ABCA13: variants seen among roughly 807,000 people sequenced by gnomAD.
ABCA13 encodes ATP-binding cassette sub-family A member 13.
Under a neutral mutation model 478.7 loss-of-function variants are expected in ABCA13, and 476 were observed. The ratio of observed to expected loss-of-function variants is 0.99; its 90% CI spans 0.92 to 1.07. The LOEUF is 1.07. ABCA13 is among the 50% of genes least tolerant of loss of function. The pLI, the probability that ABCA13 is intolerant of heterozygous loss-of-function variation, is 0.00. For synonymous variants in ABCA13, 2,252 were observed against 2,158.9 expected (o/e 1.04, Z -1.20); for missense variants, 6,060 against 5,910.6 (o/e 1.03, Z -0.83).
chr7:48,326,088 A>T (rs1045044496), intron 27 of ABCA13, among the ~76,000 whole-genome samples: 3 of 152,196 alleles, frequency 2.0e-5, no homozygotes, highest in African/African-American at 4.8e-5. Context: ...GCCTATGAGA[A>T]GGTGCCATGT....
chr7:48,309,073 G>C, intron 23 of ABCA13, among the ~76,000 whole-genome samples: 1 of 102,238 alleles, frequency 9.8e-6, no homozygotes, highest in East Asian at 3.0e-4. Context: ...ACATTCTCTT[G>C]GTTCTGTTTC....
intron 58 of ABCA13, among the ~76,000 whole-genome samples, chr7:48,614,515 C>G (rs1446633144): frequency 6.6e-6 from 1 of 150,940 alleles, no homozygotes; most frequent in African/African-American, 2.4e-5. Context: ...TACCATTTGA[C>G]CCAGCCATCC....
chr7:48,297,395 A>G (rs1799529622), intron 22 of ABCA13, 84 bp downstream of exon 22: 2 of 1,318,826 alleles, frequency 1.5e-6, no homozygotes, highest in South Asian at 1.3e-5. Flanking sequence ...TAAAACATAC[A>G]ACAGAAAATT....
intron 38 of ABCA13, among the ~76,000 whole-genome samples, chr7:48,397,023 C>T (rs1816927812): frequency 6.6e-6 from 1 of 152,186 alleles, no homozygotes; most frequent in African/African-American, 2.4e-5. Flanking sequence ...TTCATAGTGT[C>T]TGTTTTTGTG....
At chr7:48,554,546 G>T (rs1265879739) in intron 55 of ABCA13, among the ~76,000 whole-genome samples, 17 of 151,508 alleles carry the variant, frequency 1.1e-4, no homozygotes, top group Non-Finnish European at 2.4e-4. Context: ...TCACTTCTTT[G>T]GTTGGGTTAA....
chr7:48,415,583 G>C (rs56233541), intron 41 of ABCA13, among the ~76,000 whole-genome samples: 25,725 of 152,134 alleles, frequency 0.17, 2,483 homozygotes, highest in East Asian at 0.25. Context: ...AAACACATGC[G>C]ACAGGAAGAG....
At chr7:48,223,673 C>T (rs868058861) in intron 5 of ABCA13, among the ~76,000 whole-genome samples, 2 of 152,030 alleles carry the variant, frequency 1.3e-5, no homozygotes, top group African/African-American at 4.8e-5. Flanking sequence ...AGAGTGGGGG[C>T]ACTCCGGGCT....
intron 55 of ABCA13, among the ~76,000 whole-genome samples, chr7:48,549,698 T>C (rs908030737): frequency 1.3e-5 from 2 of 151,870 alleles, no homozygotes; most frequent in Admixed American, 6.6e-5. Flanking sequence ...AAAAGCGATT[T>C]TATTTCTCCA....
intron 48 of ABCA13, among the ~76,000 whole-genome samples, chr7:48,500,317 C>T (rs534847034): frequency 4.3e-4 from 66 of 152,216 alleles, no homozygotes; most frequent in African/African-American, 1.3e-3. Flanking sequence ...GAGCCCATGC[C>T]GTTGCAATTG....
chr7:48,603,014 G>T (rs1285119317), intron 58 of ABCA13, among the ~76,000 whole-genome samples: 1 of 152,048 alleles, frequency 6.6e-6, no homozygotes, highest in African/African-American at 2.4e-5. Flanking sequence ...GTTCATTCAT[G>T]ATTTGACTCT....
intron 27 of ABCA13, among the ~76,000 whole-genome samples, chr7:48,333,505 G>T (rs564461484): frequency 1.3e-5 from 2 of 152,054 alleles, no homozygotes; most frequent in Non-Finnish European, 2.9e-5. Flanking sequence ...TTTTTATAAT[G>T]GGTGGTTTTC....
intron 55 of ABCA13, among the ~76,000 whole-genome samples, chr7:48,550,978 T>G (rs13235315): frequency 0.033 from 5,010 of 151,896 alleles, 227 homozygotes; most frequent in South Asian, 0.086. Context: ...CAAGAATTAT[T>G]TTTTCTCTCT....
intron 58 of ABCA13, among the ~76,000 whole-genome samples, chr7:48,595,412 A>C (rs1345949817): frequency 3.3e-5 from 5 of 152,238 alleles, no homozygotes; most frequent in African/African-American, 4.8e-5. Flanking sequence ...TGTAATAAAG[A>C]CCAGGCTTTA....
chr7:48,487,730 A>G (rs1398323043), intron 47 of ABCA13, among the ~76,000 whole-genome samples: 4 of 152,104 alleles, frequency 2.6e-5, no homozygotes, highest in African/African-American at 9.7e-5. Context: ...CTTAACTTCA[A>G]CAGAATCCTG....
At chr7:48,412,627 T>G (rs769479849) in intron 41 of ABCA13, 44 bp downstream of exon 41, 30 of 1,494,524 alleles carry the variant, frequency 2.0e-5, no homozygotes, top group Admixed American at 1.2e-4. Flanking sequence ...TATGCCTTTT[T>G]GACCAGTCCA....
chr7:48,333,593 G>T (rs1239241874), intron 27 of ABCA13, among the ~76,000 whole-genome samples: 2 of 152,164 alleles, frequency 1.3e-5, no homozygotes, highest in Admixed American at 6.5e-5. Context: ...TTTGTGGGTA[G>T]TCATTCTACT....
At chr7:48,525,591 T>C (rs943397077) in intron 54 of ABCA13, among the ~76,000 whole-genome samples, 4 of 151,336 alleles carry the variant, frequency 2.6e-5, no homozygotes, top group African/African-American at 9.7e-5. Context: ...AGAAATATGG[T>C]TGGACAAAAA....
intron 32 of ABCA13, among the ~76,000 whole-genome samples, chr7:48,371,412 A>T (rs1170169472): frequency 6.6e-6 from 1 of 152,148 alleles, no homozygotes; most frequent in Non-Finnish European, 1.5e-5. Flanking sequence ...CCTATCCATG[A>T]CCATGGAATG....
At chr7:48,537,633 G>A (rs529012946) in intron 55 of ABCA13, among the ~76,000 whole-genome samples, 23 of 152,318 alleles carry the variant, frequency 1.5e-4, no homozygotes, top group African/African-American at 5.3e-4. Flanking sequence ...AGGGTTACGA[G>A]CCAGAGTGGT....
Sources: gnomAD v4.1 joint callset for allele counts (sites outside exome capture counted in the v4.1 genomes callset) on GRCh38, gnomAD v4.1.1 for gene constraint, MANE v1.5 for transcripts, NCBI Gene and HGNC (gene_info 2026-07-23, HGNC 2026-07-21) for gene names.